The following DSC3 variants were observed in gnomAD, a reference collection of about 807,000 sequenced individuals.
DSC3 encodes the protein desmocollin 3.
In DSC3, 97 loss-of-function variants were observed where a neutral mutation model predicts 89.5. The ratio of observed to expected loss-of-function variants is 1.08; its 90% CI spans 0.92 to 1.28. The LOEUF is 1.28. DSC3 is among the 50% of genes most tolerant of loss of function. The pLI, the probability that DSC3 is intolerant of heterozygous loss-of-function variation, is 0.00. For missense variants in DSC3, 1,199 were observed against 1,085.3 expected, an observed-to-expected ratio of 1.10 and a Z score of -1.47; for synonymous variants, 436 against 384.1, an observed-to-expected ratio of 1.14 and a Z score of -1.58.
intron 13 of DSC3, 44 bp downstream of exon 13, chr18:31,004,098 T>C (rs752043385): frequency 2.1e-6 from 3 of 1,462,794 alleles, no homozygotes; most frequent in African/African-American, 1.4e-5. Flanking sequence ...CACACCTAGA[T>C]TTTTTATTAT....
intron 1 of DSC3, among the ~76,000 whole-genome samples, chr18:31,032,583 TGTGTGTGC>T (rs780222200): frequency 0.05 from 5,933 of 117,870 alleles, 136 homozygotes; most frequent in East Asian, 0.058. Flanking sequence ...TGTGTGTGTG[TGTGTGTGC>T]GTGTGCGTGT....
Position 31,025,830 on chromosome 18 carries a change from T to C in DSC3, c.560A>G (p.Tyr187Cys). 6.2e-7 allele frequency: 1 copy of C among 1,613,158 alleles called. No homozygotes were observed. Among genetic ancestry groups the C allele is most frequent in the Non-Finnish European group, 8.5e-7 (1 of 1,179,394 alleles). ...GVDKEPLNLF[Y>C]IERDTGNLFC... is the part of the protein sequence containing the mutation. ...TAGATTTCCAGTGTCTCTTTCTATATAAAACAAATTTAAAGGTTCTTTATC... is the reference window on the plus strand; with the variant it reads ...TAGATTTCCAGTGTCTCTTTCTATACAAAACAAATTTAAAGGTTCTTTATC... Residue 187 changes from tyrosine to cysteine, a missense_variant, in exon 5 of 16, where the codon TAT (tyrosine) becomes TGT (cysteine). Coordinates refer to ENST00000360428, the MANE Select transcript of DSC3 (RefSeq NM_001941.5).
chr18:31,021,441 T>A (rs1237606768), intron 7 of DSC3, among the ~76,000 whole-genome samples: 1 of 152,134 alleles, frequency 6.6e-6, no homozygotes, highest in Non-Finnish European at 1.5e-5. Context: ...ATAACGACAA[T>A]TAAAACGTTT....
In DSC3 at chr18:31,022,442, C is replaced by G; in HGVS notation, c.836G>C (p.Arg279Pro). 1 of 1,613,986 alleles carries G rather than the reference C, an allele frequency of 6.2e-7. No individual in the cohort carries two copies. Among genetic ancestry groups the G allele is most frequent in the Non-Finnish European group, 8.5e-7 (1 of 1,179,966 alleles). Residue 279 changes from arginine to proline, a missense_variant, in exon 7 of 16, where the codon CGC becomes CCC. By Grantham distance (103) the Arg-to-Pro change is moderately radical (BLOSUM62 -2). Coordinates refer to ENST00000360428, the MANE Select transcript of DSC3 (RefSeq NM_001941.5). Reference sequence around the variant, plus strand: ...CTGCTGCAAAATGCTGTATTTCAGGCGCGTATGCATTGTGTCCGGTTCATC... The same window carrying G: ...CTGCTGCAAAATGCTGTATTTCAGGGGCGTATGCATTGTGTCCGGTTCATC... ...DRDEPDTMHT[R>P]LKYSILQQTP...
chr18:31,019,934 A>G (rs558236096), intron 7 of DSC3, among the ~76,000 whole-genome samples: 1 of 152,302 alleles, frequency 6.6e-6, no homozygotes, highest in Admixed American at 6.5e-5. Context: ...ACAAGTTAAG[A>G]GAGAATGATT....
At chr18:30,994,584 T>C in intron 15 of DSC3, 1 of 1,043,412 alleles carries the variant, frequency 9.6e-7, no homozygotes, top group South Asian at 1.4e-5. Context: ...TCCATATAAA[T>C]AAAAAATTAT....
chr18:30,995,908 G>A (rs970963294), intron 15 of DSC3, among the ~76,000 whole-genome samples: 1 of 144,506 alleles, frequency 6.9e-6, no homozygotes, highest in South Asian at 2.3e-4. Flanking sequence ...GGAGGTCAAG[G>A]CTGCAGTGAG....
intron 13 of DSC3, 152 bp from the exon 14 acceptor site, chr18:31,001,891 T>A (rs371991480): frequency 1.8e-5 from 11 of 602,304 alleles, no homozygotes; most frequent in East Asian, 1.2e-4. Flanking sequence ...TAAGTTAACA[T>A]GTCACCAGAT....
In DSC3 at chr18:31,029,570, G is replaced by A; in HGVS notation, c.413C>T (p.Ala138Val). ...TVLRRAKRRW[A>V]PIPCSMQENS... Reference sequence around the variant, plus strand: ...CTCTTGCATAGAGCAAGGAATAGGTGCCCATCTCCTCTTGGCACGCCTGAG... The same window carrying A: ...CTCTTGCATAGAGCAAGGAATAGGTACCCATCTCCTCTTGGCACGCCTGAG... The change falls in exon 4 of 16, where the codon GCA becomes GTA. Residue 138 changes from alanine (A) to valine (V), a missense_variant. Ala to Val is a moderately conservative substitution (Grantham distance 64). Coordinates refer to ENST00000360428, the MANE Select transcript of DSC3 (RefSeq NM_001941.5). The A allele has an allele frequency of 6.2e-7, 1 of 1,613,866 alleles. No homozygotes were observed.
At chr18:31,001,907 A>G (rs1392028883) in intron 13 of DSC3, among the ~76,000 whole-genome samples, 168 bp from the exon 14 acceptor site, 1 of 152,226 alleles carries the variant, frequency 6.6e-6, no homozygotes, top group East Asian at 1.9e-4. Flanking sequence ...CAGATAGCTT[A>G]GGTTTTAGAA....
chr18:31,020,009 G>A (rs1192142660), intron 7 of DSC3, among the ~76,000 whole-genome samples: 1 of 152,124 alleles, frequency 6.6e-6, no homozygotes, highest in South Asian at 2.1e-4. Flanking sequence ...AGAAATGCAG[G>A]AGAACGATTC....
In DSC3 at chr18:31,004,189, C is replaced by T. The variant is rs2144685481; in HGVS notation, c.2066G>A (p.Gly689Glu). Reference protein sequence around the residue: ...ATSRSTGVILGKWAILAILLG... With the variant: ...ATSRSTGVILEKWAILAILLG... ...TAATATTGCAAGGATTGCCCATTTT[C>T]CAAGTATTACTCCTGTACTCCTTGA... Residue 689 changes from glycine to glutamate, a missense_variant, in exon 13 of 16, where the codon GGA becomes GAA. Physicochemically the swap from Gly to Glu is moderately conservative, Grantham distance 98 (BLOSUM62 -2). Coordinates refer to ENST00000360428, the MANE Select transcript of DSC3 (RefSeq NM_001941.5). 6.2e-7 allele frequency: 1 copy of T among 1,613,904 alleles called. No individual in the cohort carries two copies. Among genetic ancestry groups the T allele is most frequent in the South Asian group, 1.1e-5 (1 of 91,078 alleles).
In DSC3 at chr18:30,994,192, C is replaced by T. The variant is rs1406249274; in HGVS notation, c.2674G>A (p.Ala892Thr). Residue 892 changes from alanine to threonine, a missense_variant, in exon 16 of 16, where the codon GCA becomes ACA. Physicochemically the swap from Ala to Thr is moderately conservative, Grantham distance 58. Coordinates refer to ENST00000360428, the MANE Select transcript of DSC3 (RefSeq NM_001941.5). ...LEPKFITLAE[A>T]CTKR ...CTGTGACATTATCTCTTTGTGCATG[C>T]TTCTGCTAATGTAATAAATTTGGGT... 1 of 1,613,962 alleles carries T rather than the reference C, an allele frequency of 6.2e-7. No individual in the cohort carries two copies. Among genetic ancestry groups the T allele is most frequent in the African/African-American group, 1.3e-5 (1 of 75,018 alleles).
At position 30,992,929 on chromosome 18, in the gene DSC3, G is replaced by T. The variant is rs1359276375; in HGVS notation, c.*1246C>A. On this transcript the variant is annotated 3_prime_UTR_variant, in exon 16 of 16. Transcript: ENST00000360428. ...TTCAGGCCAATGCCACTCAGAAGAA[G>T]GGCAGTGAGGAGAAAAATGAAATTT... 1 of 152,166 alleles carries T rather than the reference G, an allele frequency of 6.6e-6. No homozygotes were observed. The highest frequency in any genetic ancestry group is 2.4e-5 in the African/African-American group (1 of 41,426). The allele number at this position is 152,166 out of a possible 1,614,324, so 9.4% of individuals were successfully genotyped here. A position where few individuals can be genotyped will look rare whatever the true frequency, so the allele number is the denominator to read the frequency against.
In DSC3 at chr18:30,991,137, T is replaced by C. The variant is rs1418203249; in HGVS notation, c.*3038A>G. 6.6e-6 allele frequency: 1 copy of C among 152,646 alleles called. No individual in the cohort carries two copies. The highest frequency in any genetic ancestry group is 2.4e-5 in the African/African-American group (1 of 41,462). 9.5% of individuals were successfully genotyped at this position (152,646 alleles called of 1,614,324 possible). A position where few individuals can be genotyped will look rare whatever the true frequency, so the allele number is the denominator to read the frequency against. ...CTTTACGCATCCAATTTTTGCTTATTTTAAGCAGCCAAGTTTCTTTAAAAG... is the reference window on the plus strand; with the variant it reads ...CTTTACGCATCCAATTTTTGCTTATCTTAAGCAGCCAAGTTTCTTTAAAAG... On this transcript the variant is annotated 3_prime_UTR_variant, in exon 16 of 16. Transcript: ENST00000360428.
rs1422060838 is a variant in DSC3 at position 30,991,596 on chromosome 18, G to A, written c.*2579C>T. The A allele has an allele frequency of 7.9e-5, 12 of 152,150 alleles. No individual in the cohort carries two copies. The highest frequency in any genetic ancestry group is 1.3e-4 in the Non-Finnish European group (9 of 68,038). The allele number at this position is 152,150 out of a possible 1,614,324, so 9.4% of individuals were successfully genotyped here. On this transcript the variant is annotated 3_prime_UTR_variant, in exon 16 of 16. Transcript: ENST00000360428. Reference sequence around the variant, plus strand: ...TTTATCGGCACTAGTAAAGTCTTGGGGAGGTAGCAGGTTTTGATCGGTGAG... The same window carrying A: ...TTTATCGGCACTAGTAAAGTCTTGGAGAGGTAGCAGGTTTTGATCGGTGAG...
At chr18:31,037,808 G>A (rs1986019536) in intron 1 of DSC3, among the ~76,000 whole-genome samples, 1 of 151,998 alleles carries the variant, frequency 6.6e-6, no homozygotes, top group African/African-American at 2.4e-5. Flanking sequence ...GCTGAGGCAG[G>A]AGAATCACTT....
intron 9 of DSC3, among the ~76,000 whole-genome samples, chr18:31,011,768 G>A (rs1317458461): frequency 3.3e-5 from 5 of 151,656 alleles, no homozygotes; most frequent in East Asian, 1.9e-4. Flanking sequence ...CAAGGCGGGC[G>A]GATTGCCTGA....
intron 14 of DSC3, among the ~76,000 whole-genome samples, chr18:31,000,493 T>C (rs1984616060): frequency 6.6e-6 from 1 of 152,190 alleles, no homozygotes; most frequent in African/African-American, 2.4e-5. Context: ...GGCTCTCCTT[T>C]ACCATGAGAA....
Sources: allele counts gnomAD v4.1 joint callset (sites outside exome capture counted in the v4.1 genomes callset), GRCh38; gene constraint gnomAD v4.1.1; transcripts MANE v1.5; gene names NCBI Gene and HGNC (gene_info 2026-07-23, HGNC 2026-07-21).